Variants in RERE observed in about 807,000 individuals in gnomAD.
RERE encodes the protein arginine-glutamic acid dipeptide repeats, also known as arginine-glutamic acid dipeptide repeats protein.
A neutral mutation model predicts 146.1 loss-of-function variants in RERE; 40 were observed. The ratio of observed to expected loss-of-function variants is 0.27; its 90% CI spans 0.21 to 0.36. RERE has a LOEUF of 0.36. Ranked by LOEUF, RERE falls within the 10% of genes least tolerant of loss-of-function variation. RERE has a pLI of 1.00. For synonymous variants in RERE, 1,003 were observed against 866.0 expected (o/e 1.16, Z -2.78); for missense variants, 1,933 against 2,138.7 (o/e 0.90, Z 1.90).
At chr1:8,774,835 A>G (rs535030998) in intron 1 of RERE, among the ~76,000 whole-genome samples, 2 of 152,092 alleles carry the variant, frequency 1.3e-5, no homozygotes, top group African/African-American at 2.4e-5. Context: ...TAACTCCTCA[A>G]TAGTCCAACC....
chr1:8,355,327 C>G, intron 22 of RERE, 92 bp downstream of exon 22: 1 of 1,395,554 alleles, frequency 7.2e-7, no homozygotes, highest in Non-Finnish European at 9.9e-7. Flanking sequence ...GCCCAGCAGG[C>G]AGAGGGGGAG....
chr1:8,505,269 G>A (rs561991188), intron 8 of RERE, among the ~76,000 whole-genome samples: 4 of 152,318 alleles, frequency 2.6e-5, no homozygotes, highest in Middle Eastern at 3.4e-3. Context: ...TCTGGGCATC[G>A]TATACACTTG....
chr1:8,644,806 T>C (rs894939173), intron 2 of RERE, among the ~76,000 whole-genome samples: 1 of 152,144 alleles, frequency 6.6e-6, no homozygotes, highest in Non-Finnish European at 1.5e-5. Context: ...AGACATACAA[T>C]TTTTGGCAAC....
At chr1:8,744,585 TA>T (rs1640382485) in intron 1 of RERE, among the ~76,000 whole-genome samples, 2 of 152,126 alleles carry the variant, frequency 1.3e-5, no homozygotes, top group Non-Finnish European at 2.9e-5. Flanking sequence ...ATTTGGCCAT[TA>T]AAACAATAGG....
intron 12 of RERE, among the ~76,000 whole-genome samples, chr1:8,414,265 G>A (rs1222054711): frequency 1.3e-5 from 2 of 151,822 alleles, no homozygotes; most frequent in African/African-American, 4.8e-5. Context: ...TTCAATAGTC[G>A]GCCGGGCGTG....
intron 12 of RERE, among the ~76,000 whole-genome samples, chr1:8,404,286 G>C (rs1332142669): frequency 2.6e-5 from 4 of 152,058 alleles, no homozygotes; most frequent in Non-Finnish European, 5.9e-5. Context: ...GCGTGGTGGC[G>C]GGCGCCTGTA....
chr1:8,800,692 G>A (rs887933613), intron 1 of RERE, among the ~76,000 whole-genome samples: 1 of 152,134 alleles, frequency 6.6e-6, no homozygotes, highest in African/African-American at 2.4e-5. Context: ...AGGGCCAGAA[G>A]TGGTGGCTCA....
intron 12 of RERE, among the ~76,000 whole-genome samples, chr1:8,413,530 G>A (rs1467747453): frequency 1.3e-5 from 2 of 151,908 alleles, no homozygotes; most frequent in Non-Finnish European, 2.9e-5. Flanking sequence ...TTTTTGTAGA[G>A]ATGGGGTTTC....
chr1:8,755,432 C>T (rs1264884190), intron 1 of RERE, among the ~76,000 whole-genome samples: 6 of 152,064 alleles, frequency 3.9e-5, no homozygotes, highest in East Asian at 1.9e-4. Flanking sequence ...AGAAAAGGAA[C>T]GTTTTGTAGA....
chr1:8,783,654 A>T (rs1641207025), intron 1 of RERE, among the ~76,000 whole-genome samples: 1 of 152,160 alleles, frequency 6.6e-6, no homozygotes, highest in South Asian at 2.1e-4. Flanking sequence ...ACAGAAATTA[A>T]ATTTTTTAAA....
intron 1 of RERE, among the ~76,000 whole-genome samples, chr1:8,685,783 T>C (rs1339474989): frequency 6.6e-6 from 1 of 152,146 alleles, no homozygotes; most frequent in Non-Finnish European, 1.5e-5. Context: ...TGCATAAAAC[T>C]CAGCTGGCTG....
chr1:8,792,827 T>C (rs1411469586), intron 1 of RERE, among the ~76,000 whole-genome samples: 1 of 151,934 alleles, frequency 6.6e-6, no homozygotes, highest in Non-Finnish European at 1.5e-5. Flanking sequence ...ATTAGGAAGG[T>C]TTAAAGAAGC....
At chr1:8,642,405 G>T (rs1647192354) in intron 2 of RERE, among the ~76,000 whole-genome samples, 6 of 152,182 alleles carry the variant, frequency 3.9e-5, no homozygotes, top group Admixed American at 3.9e-4. Context: ...TTGTGGTCAA[G>T]ATGAAACCTA....
intron 4 of RERE, among the ~76,000 whole-genome samples, chr1:8,602,798 A>T (rs145604670): frequency 1.5e-3 from 229 of 152,258 alleles, no homozygotes; most frequent in African/African-American, 5.3e-3. Context: ...CCATGCATTT[A>T]ATTTATTGGT....
intron 1 of RERE, among the ~76,000 whole-genome samples, chr1:8,707,563 G>C (rs1639582114): frequency 6.6e-6 from 1 of 152,052 alleles, no homozygotes; most frequent in South Asian, 2.1e-4. Flanking sequence ...TTAAACAGTA[G>C]CACTCATTTA....
At chr1:8,453,162 TG>T (rs1644408047) in intron 11 of RERE, among the ~76,000 whole-genome samples, 1 of 152,240 alleles carries the variant, frequency 6.6e-6, no homozygotes, top group Admixed American at 6.5e-5. Context: ...CAGATTGCTC[TG>T]GGGTCATAAA....
intron 12 of RERE, among the ~76,000 whole-genome samples, chr1:8,391,768 G>A (rs1303260166): frequency 6.6e-6 from 1 of 152,204 alleles, no homozygotes; most frequent in Non-Finnish European, 1.5e-5. Context: ...GGGCATGGTG[G>A]CTCACGCCTG....
chr1:8,718,372 C>G (rs953352379), intron 1 of RERE, among the ~76,000 whole-genome samples: 1 of 152,108 alleles, frequency 6.6e-6, no homozygotes, highest in Non-Finnish European at 1.5e-5. Flanking sequence ...GCAGGGTGCC[C>G]GTTTCTACAC....
chr1:8,604,748 G>C (rs545919390), intron 4 of RERE, among the ~76,000 whole-genome samples: 2 of 151,898 alleles, frequency 1.3e-5, no homozygotes, highest in South Asian at 4.2e-4. Context: ...ATTCAAACTA[G>C]CATTTACGAA....
Sources: allele counts gnomAD v4.1 joint callset (sites outside exome capture counted in the v4.1 genomes callset), GRCh38; gene constraint gnomAD v4.1.1; transcripts MANE v1.5; gene names NCBI Gene and HGNC (gene_info 2026-07-23, HGNC 2026-07-21).